Variants in UNC79 observed in about 807,000 individuals in gnomAD.
UNC79 encodes protein unc-79 homolog.
Under a neutral mutation model 283.1 loss-of-function variants are expected in UNC79, and 37 were observed. The observed-to-expected ratio is 0.13, with a 90% CI of 0.10 to 0.17. The LOEUF (loss-of-function observed/expected upper bound fraction) is 0.17, where lower values mean the gene tolerates loss of function less well. Among genes scored for constraint, UNC79 ranks in the 10% least tolerant of loss-of-function variants. UNC79 has a pLI of 1.00. For missense variants in UNC79, 2,272 were observed against 3,211.1 expected (o/e 0.71, Z 7.07); for synonymous variants, 1,107 against 1,200.2 (o/e 0.92, Z 1.61).
chr14:93,517,303 C>CT (rs1052127544), intron 7 of UNC79, among the ~76,000 whole-genome samples: 1 of 136,118 alleles, frequency 7.3e-6, no homozygotes, highest in South Asian at 2.4e-4. Context: ...TCCTTTCTCC[C>CT]TTTTTTTCTT....
intron 14 of UNC79, among the ~76,000 whole-genome samples, chr14:93,560,537 C>T (rs1317190054): frequency 1.3e-5 from 2 of 151,528 alleles, no homozygotes; most frequent in South Asian, 2.1e-4. Flanking sequence ...ATTCTAGTAT[C>T]GAGAGCAATA....
At chr14:93,658,669 G>T (rs184048370) in intron 38 of UNC79, among the ~76,000 whole-genome samples, 9 of 152,112 alleles carry the variant, frequency 5.9e-5, no homozygotes, top group African/African-American at 2.2e-4. Context: ...GGTTTTTGTC[G>T]TGTTGCTTCA....
chr14:93,340,222 C>T (rs113180525), intron 1 of UNC79, among the ~76,000 whole-genome samples: 23 of 152,204 alleles, frequency 1.5e-4, no homozygotes, highest in African/African-American at 4.8e-4. Flanking sequence ...GTGGGCGGAT[C>T]GCGAGGTCAG....
At chr14:93,607,483 T>G (rs4381522) in intron 26 of UNC79, among the ~76,000 whole-genome samples, 94,013 of 152,048 alleles carry the variant, frequency 0.62, 30,254 homozygotes, top group Non-Finnish European at 0.71. Flanking sequence ...GATTTGGCTT[T>G]CTTTCTTTCT....
At chr14:93,619,799 A>G (rs1167360233) in intron 29 of UNC79, among the ~76,000 whole-genome samples, 1 of 152,212 alleles carries the variant, frequency 6.6e-6, no homozygotes, top group Non-Finnish European at 1.5e-5. Flanking sequence ...CCTGAGCCTC[A>G]TTTGTCATAT....
chr14:93,385,529 A>G (rs1008444617), intron 1 of UNC79, among the ~76,000 whole-genome samples: 1 of 152,204 alleles, frequency 6.6e-6, no homozygotes, highest in Non-Finnish European at 1.5e-5. Context: ...CTGTAATCCC[A>G]GCACTTTGGG....
chr14:93,399,267 G>T (rs1403449364), intron 1 of UNC79, among the ~76,000 whole-genome samples: 2 of 152,162 alleles, frequency 1.3e-5, no homozygotes, highest in Non-Finnish European at 2.9e-5. Flanking sequence ...AATTTGAGAT[G>T]AGATTTGGGT....
exon 1 of UNC79, chr14:93,333,336 AC>A (rs2053497936): frequency 7.5e-6 from 3 of 398,524 alleles, no homozygotes; most frequent in East Asian, 7.1e-5. Context: ...GAATATAAGA[AC>A]TGTGTCACTA....
intron 7 of UNC79, among the ~76,000 whole-genome samples, chr14:93,500,262 G>A (rs187060162): frequency 6.6e-6 from 1 of 152,222 alleles, no homozygotes; most frequent in East Asian, 1.9e-4. Flanking sequence ...TTTCATCTTA[G>A]CGTACCAAGA....
At chr14:93,695,766 C>T (rs763562964) in intron 47 of UNC79, among the ~76,000 whole-genome samples, 24 of 151,774 alleles carry the variant, frequency 1.6e-4, no homozygotes, top group Admixed American at 3.9e-4. Flanking sequence ...GTGGCACACA[C>T]TTGTAATCCC....
At chr14:93,639,979 A>G (rs1189168676) in intron 32 of UNC79, among the ~76,000 whole-genome samples, 1 of 152,170 alleles carries the variant, frequency 6.6e-6, no homozygotes, top group East Asian at 1.9e-4. Context: ...AAGATTATTT[A>G]ATGACTCTTG....
At chr14:93,686,152 C>T (rs1003622672) in intron 42 of UNC79, among the ~76,000 whole-genome samples, 5 of 152,078 alleles carry the variant, frequency 3.3e-5, no homozygotes, top group East Asian at 1.9e-4. Context: ...TTTGGTGGCA[C>T]GTATTTTATG....
chr14:93,681,159 G>A (rs1412832418), intron 41 of UNC79, among the ~76,000 whole-genome samples: 3 of 152,200 alleles, frequency 2.0e-5, no homozygotes, highest in Non-Finnish European at 4.4e-5. Flanking sequence ...TTCTGTAACT[G>A]TATTTGAGGC....
At chr14:93,362,277 A>G (rs2054243627) in intron 1 of UNC79, among the ~76,000 whole-genome samples, 1 of 152,018 alleles carries the variant, frequency 6.6e-6, no homozygotes, top group African/African-American at 2.4e-5. Context: ...GTTCTTCTTT[A>G]TATGTCTGGT....
At chr14:93,414,785 A>T (rs1006494358) in intron 1 of UNC79, among the ~76,000 whole-genome samples, 2 of 152,010 alleles carry the variant, frequency 1.3e-5, no homozygotes. Flanking sequence ...ATTCTCTTTG[A>T]AGCAATTGTG....
At chr14:93,440,529 T>A (rs1186517748) in intron 1 of UNC79, among the ~76,000 whole-genome samples, 1 of 123,812 alleles carries the variant, frequency 8.1e-6, no homozygotes, top group Non-Finnish European at 1.7e-5. Context: ...GGCTGTTAAT[T>A]TTTTTTTTTT....
At chr14:93,595,938 T>A (rs1311757330) in intron 23 of UNC79, among the ~76,000 whole-genome samples, 1 of 152,148 alleles carries the variant, frequency 6.6e-6, no homozygotes, top group Non-Finnish European at 1.5e-5. Flanking sequence ...GCTTAATATA[T>A]ATATATTTTA....
chr14:93,507,136 C>T lies in UNC79; in HGVS notation c.898+9850C>T, dbSNP rs537678269. Reference sequence around the variant, plus strand: ...TTGCATGGATATGTCATTTGTTTATCAACCTTCCTATTGATGTATATTTGG... The same window carrying T: ...TTGCATGGATATGTCATTTGTTTATTAACCTTCCTATTGATGTATATTTGG... On this transcript the variant is annotated intron_variant, in intron 7 of 48. Coordinates refer to ENST00000555664, the Ensembl canonical transcript of UNC79. Among the ~76,000 whole-genome samples, 3 of 152,192 alleles carry T rather than the reference C, an allele frequency of 2.0e-5. No individual in the cohort carries two copies. The South Asian group carries it at 6.2e-4, about 32-fold the overall frequency.
rs370915614 is a variant in UNC79, at chr14:93,340,312, G to A, written c.-351+6789G>A. On this transcript the variant is annotated intron_variant, in intron 1 of 49. Transcript: ENST00000256339. ...AAAAAATTAGCCAGGCATGGTGGCG[G>A]GTGCCTGTAGTCCCAGCTACTCGGG... Among the ~76,000 whole-genome samples, 29 of 152,106 alleles carry A rather than the reference G, an allele frequency of 1.9e-4. No homozygotes were observed. In the South Asian group the frequency reaches 2.1e-3, roughly 11 times the overall value.
Sources: allele counts gnomAD v4.1 joint callset (sites outside exome capture counted in the v4.1 genomes callset), GRCh38; gene constraint gnomAD v4.1.1; transcripts MANE v1.5; gene names NCBI Gene and HGNC (gene_info 2026-07-23, HGNC 2026-07-21).